CFAP47: variants seen among roughly 807,000 people sequenced by gnomAD.
The protein encoded by CFAP47 is cilia- and flagella-associated protein 47.
CFAP47 carries 29 observed loss-of-function variants against 148.1 expected under a neutral mutation model. The observed-to-expected ratio is 0.20, with a 90% confidence interval of 0.15 to 0.27. CFAP47 has a LOEUF of 0.27. CFAP47 is among the 10% of genes least tolerant of loss of function. The pLI, the probability that CFAP47 is intolerant of heterozygous loss-of-function variation, is 1.00. For synonymous variants in CFAP47, 664 were observed against 577.3 expected, an observed-to-expected ratio of 1.15 and a Z score of -2.15; for missense variants, 1,872 against 1,697.5, an observed-to-expected ratio of 1.10 and a Z score of -1.81.
intron 33 of CFAP47, among the ~76,000 whole-genome samples, chrX:36,129,911 T>TA (rs1938914501): frequency 9.0e-6 from 1 of 111,088 alleles, no homozygotes; most frequent in Non-Finnish European, 1.9e-5. Flanking sequence ...CAACCCAATT[T>TA]AAAAATGTGC....
At chrX:36,173,809 A>G (rs1162694041) in intron 39 of CFAP47, among the ~76,000 whole-genome samples, 6 of 111,845 alleles carry the variant, frequency 5.4e-5, no homozygotes, top group Non-Finnish European at 1.1e-4. Context: ...GTAGATGTCT[A>G]TTAGGTCCAC....
intron 26 of CFAP47, among the ~76,000 whole-genome samples, chrX:36,054,125 A>T (rs1422101458): frequency 3.6e-5 from 4 of 111,288 alleles, no homozygotes; most frequent in Non-Finnish European, 7.5e-5. Context: ...TCTTCACAGA[A>T]CTCCTAGAAG....
chrX:36,073,064 C>T, intron 28 of CFAP47, 75 bp from the exon 29 acceptor site: 1 of 704,026 alleles, frequency 1.4e-6, no homozygotes, highest in Non-Finnish European at 2.2e-6. Context: ...AGTCTGCATA[C>T]AAATGACAAT....
chrX:36,225,373 C>T (rs925870190), intron 45 of CFAP47, among the ~76,000 whole-genome samples: 1 of 112,017 alleles, frequency 8.9e-6, no homozygotes, highest in Non-Finnish European at 1.9e-5. Flanking sequence ...TTTTTGGACT[C>T]CTCAGAGTTT....
At chrX:36,270,073 G>GT (rs1220960766) in intron 49 of CFAP47, among the ~76,000 whole-genome samples, 1 of 111,510 alleles carries the variant, frequency 9.0e-6, no homozygotes, top group Non-Finnish European at 1.9e-5. Context: ...ATAAACATTT[G>GT]TTTTTTTCCC....
At chrX:36,314,952 C>T (rs1419755568) in intron 56 of CFAP47, among the ~76,000 whole-genome samples, 1 of 111,498 alleles carries the variant, frequency 9.0e-6, no homozygotes, top group Non-Finnish European at 1.9e-5. Flanking sequence ...AGAAGCAAAG[C>T]TCAGAAGATT....
intron 33 of CFAP47, among the ~76,000 whole-genome samples, chrX:36,132,656 A>G (rs1323812155): frequency 8.9e-6 from 1 of 112,043 alleles, no homozygotes; most frequent in East Asian, 2.8e-4. Flanking sequence ...TGAGTATAAA[A>G]GACAAGATAC....
intron 8 of CFAP47, among the ~76,000 whole-genome samples, chrX:35,956,712 G>A (rs1473712594): frequency 9.0e-6 from 1 of 111,615 alleles, no homozygotes; most frequent in Non-Finnish European, 1.9e-5. Flanking sequence ...GCATACCTGT[G>A]AGCACTAGGT....
chrX:35,972,498 C>T (rs992049788), intron 13 of CFAP47, among the ~76,000 whole-genome samples: 5 of 111,443 alleles, frequency 4.5e-5, no homozygotes, highest in African/African-American at 1.6e-4. Flanking sequence ...TCCCCAAATG[C>T]TGTGATTACA....
At chrX:36,011,385 T>A (rs1307477656) in intron 21 of CFAP47, among the ~76,000 whole-genome samples, 2 of 111,895 alleles carry the variant, frequency 1.8e-5, no homozygotes, top group African/African-American at 6.5e-5. Flanking sequence ...TGAGCACATG[T>A]CCTACTCTGA....
chrX:35,941,286 G>A lies in CFAP47; in HGVS notation c.405G>A (p.Leu135=). The A allele has an allele frequency of 7.1e-6, 8 of 1,122,834 alleles. No individual in the cohort carries two copies. Among genetic ancestry groups the A allele is most frequent in the Non-Finnish European group, 9.6e-6 (8 of 831,236 alleles). 92.5% of individuals were successfully genotyped at this position (1,122,834 alleles called of 1,213,427 possible). A position where few individuals can be genotyped will look rare whatever the true frequency, so the allele number is the denominator to read the frequency against. Reference sequence around the variant, plus strand: ...GGCCTTCTTTTCTCCTCCCTAGGTTGATTCCATCCTGTCAATTGGAAATTG... The same window carrying A: ...GGCCTTCTTTTCTCCTCCCTAGGTTAATTCCATCCTGTCAATTGGAAATTG... ...NKTTEIPLIG[L]IPSCQLEIES... The change falls in exon 3 of 64, where the codon TTG becomes TTA. Residue 135 remains leucine, a synonymous_variant. Coordinates refer to ENST00000378653, the MANE Select transcript of CFAP47 (RefSeq NM_001304548.2).
At chrX:36,171,797 T>A (rs1216572295) in intron 39 of CFAP47, among the ~76,000 whole-genome samples, 1 of 111,222 alleles carries the variant, frequency 9.0e-6, no homozygotes, top group African/African-American at 3.3e-5. Flanking sequence ...TTTTGGTTCC[T>A]TATGAACTTT....
chrX:36,267,221 C>T (rs1556001169), intron 49 of CFAP47, among the ~76,000 whole-genome samples: 2 of 111,619 alleles, frequency 1.8e-5, no homozygotes, highest in African/African-American at 6.5e-5. Flanking sequence ...TGATTATATA[C>T]ACCTCTCTTG....
intron 33 of CFAP47, among the ~76,000 whole-genome samples, chrX:36,125,571 A>G (rs1252015271): frequency 1.8e-5 from 2 of 112,006 alleles, no homozygotes; most frequent in African/African-American, 6.5e-5. Flanking sequence ...AGAAAAATAC[A>G]TAAGTAAATA....
In CFAP47 at chrX:35,924,241, ATG is replaced by A. The variant is rs1569201621; in HGVS notation, c.250-1771_250-1770del. 2.6e-3 allele frequency among the ~76,000 whole-genome samples: 233 copies of A among 91,048 alleles called. 22 individuals carry two copies. Among genetic ancestry groups the A allele is most frequent in the African/African-American group, 0.011 (223 of 19,884 alleles). 79.1% of individuals were successfully genotyped at this position (91,048 alleles called of 115,157 possible). A position where few individuals can be genotyped will look rare whatever the true frequency, so the allele number is the denominator to read the frequency against. Reference sequence around the variant, plus strand: ...CATGTATGTGTATATATGGACATGTATGTGTGCATATGGACATGTATGTGTAC... The same window carrying A: ...CATGTATGTGTATATATGGACATGTATGTGCATATGGACATGTATGTGTAC... On this transcript the variant is annotated intron_variant, in intron 1 of 63. Transcript: ENST00000378653.
chrX:36,023,927 A>G (rs1360018111), intron 22 of CFAP47, among the ~76,000 whole-genome samples: 1 of 112,169 alleles, frequency 8.9e-6, no homozygotes, highest in Non-Finnish European at 1.9e-5. Context: ...TGGGAATCCC[A>G]AGAGCCCGCT....
chrX:35,924,712 A>G (rs2146613117), intron 1 of CFAP47, among the ~76,000 whole-genome samples: 1 of 110,654 alleles, frequency 9.0e-6, no homozygotes, highest in Non-Finnish European at 1.9e-5. Flanking sequence ...CGTTAGTTCT[A>G]TAAGTATCTT....
chrX:36,270,097 A>T (rs1333056822), intron 49 of CFAP47, among the ~76,000 whole-genome samples: 2 of 111,819 alleles, frequency 1.8e-5, no homozygotes, highest in Non-Finnish European at 1.9e-5. Flanking sequence ...TGTTTTGGCA[A>T]TTAAAAATAT....
At chrX:36,357,240 A>T (rs1941792895) in intron 60 of CFAP47, among the ~76,000 whole-genome samples, 1 of 112,154 alleles carries the variant, frequency 8.9e-6, no homozygotes, top group Admixed American at 9.5e-5. Context: ...TTTTTCTCCT[A>T]TACTTTTTCC....
Sources: gnomAD v4.1 joint callset for allele counts (sites outside exome capture counted in the v4.1 genomes callset) on GRCh38, gnomAD v4.1.1 for gene constraint, MANE v1.5 for transcripts, NCBI Gene and HGNC (gene_info 2026-07-23, HGNC 2026-07-21) for gene names.